Variants in CATSPER1 observed in about 807,000 individuals in gnomAD.
CATSPER1 encodes the protein cation channel sperm associated 1.
CATSPER1 carries 57 observed loss-of-function variants against 72.7 expected under a neutral mutation model. That is an observed-to-expected ratio of 0.78 (90% confidence interval 0.63 to 0.98). The LOEUF (loss-of-function observed/expected upper bound fraction) is 0.98, where lower values mean the gene tolerates loss of function less well. Ranked by LOEUF, CATSPER1 falls within the 50% of genes least tolerant of loss-of-function variation. The probability of loss-of-function intolerance (pLI) is 0.00; values close to 1 mark genes in which losing one functional copy is unlikely to be tolerated. For synonymous variants in CATSPER1, 363 were observed against 403.0 expected (o/e 0.90, Z 1.19); for missense variants, 910 against 1,033.9 (o/e 0.88, Z 1.64).
Position 66,021,520 on chromosome 11 carries a change from G to A in CATSPER1, c.1667C>T (p.Ala556Val). 1.2e-6 allele frequency: 2 copies of A among 1,613,762 alleles called. No individual in the cohort carries two copies. Among genetic ancestry groups the A allele is most frequent in the Middle Eastern group, 1.6e-4 (1 of 6,062 alleles). The change falls in exon 4 of 12, where the codon GCA (alanine) becomes GTA (valine). Residue 556 changes from alanine (A) to valine (V), a missense_variant. Coordinates refer to ENST00000312106, the MANE Select transcript of CATSPER1 (RefSeq NM_053054.4). The part of the protein sequence containing the change: ...KVFKSLRALR[A>V]IRVLRRLSFL... ...CCTGAGCCTCCGCAGGACCCGGATT[G>A]CCCTCAGGGCCCGCAGGCTCTTGAA... is the stretch of plus-strand genomic sequence containing the variant.
Position 66,021,625 on chromosome 11 carries a change from A to G in CATSPER1, c.1562T>C (p.Met521Thr), listed in dbSNP as rs1257980740. The G allele has an allele frequency of 6.2e-7, 1 of 1,607,918 alleles. No individual in the cohort carries two copies. Among genetic ancestry groups the G allele is most frequent in the East Asian group, 2.2e-5 (1 of 44,762 alleles). Residue 521 changes from methionine (M) to threonine (T), a missense_variant, in exon 4 of 12, where the codon ATG becomes ACG. Physicochemically the swap from Met to Thr is moderately conservative, Grantham distance 81. Transcript: ENST00000312106. ...CATCAGCAAGAAGTCCAGCACGGCC[A>G]TGGCCATAATGAAGAAGTCTGAGGG... ...WNNLDFFIMA[M>T]AVLDFLLMQT...
chr11:66,021,282 C>T, intron 4 of CATSPER1, 97 bp from the exon 5 acceptor site: 2 of 1,338,120 alleles, frequency 1.5e-6, no homozygotes, highest in Non-Finnish European at 2.1e-6. Context: ...CAGGAGGCTC[C>T]TGACTTGTTG....
At position 66,021,710 on chromosome 11, in the gene CATSPER1, T is replaced by C. The variant is rs1032573943; in HGVS notation, c.1543+56A>G. 27 of 1,612,830 alleles carry C rather than the reference T, an allele frequency of 1.7e-5. No individual in the cohort carries two copies. The Admixed American group carries it at 4.2e-4, about 25-fold the overall frequency. ...CAGCGCCCCCTTCCCCATCCTTCTC[T>C]CGTCCCGAGCCTCCCCCAGACTAAA... is the stretch of plus-strand genomic sequence containing the variant. On this transcript the variant is annotated intron_variant, in intron 3 of 11. Coordinates refer to ENST00000312106, the MANE Select transcript of CATSPER1 (RefSeq NM_053054.4).
At position 66,025,983 on chromosome 11, in the gene CATSPER1, C is replaced by T. The variant is rs1203998; in HGVS notation, c.397G>A (p.Gly133Ser). 472,947 of 1,613,292 alleles carry T rather than the reference C, an allele frequency of 0.29. 73,710 individuals are homozygous for T. Among genetic ancestry groups the T allele is most frequent in the Admixed American group, 0.47 (28,073 of 59,948 alleles). The change falls in exon 1 of 12, where the codon GGT (glycine) becomes AGT (serine). Residue 133 changes from glycine (G) to serine (S), a missense_variant. Gly to Ser is a moderately conservative substitution (Grantham distance 56). Transcript: ENST00000312106. ...GAGTCACTCTGCTGATGGAACCCAC[C>T]GTATTGGGACCCATCATGATGCCTC... ...GRRHHDGSQY[G>S]GFHQQSDSHY...
rs556844305 is a variant in CATSPER1 at position 66,019,109 on chromosome 11, T to C, written c.2126-207A>G. Among the ~76,000 whole-genome samples the C allele has an allele frequency of 3.3e-5, 5 of 152,098 alleles. 1 individual carries two copies. In the South Asian group the frequency reaches 1.0e-3, roughly 32 times the overall value. On this transcript the variant is annotated intron_variant, in intron 9 of 11. Coordinates refer to ENST00000312106, the MANE Select transcript of CATSPER1 (RefSeq NM_053054.4). ...TTCTGGAAGAAGTGCCCCAATTGTCTTGAGGAACAAATCACTTCTACCCCC... is the reference window on the plus strand; with the variant it reads ...TTCTGGAAGAAGTGCCCCAATTGTCCTGAGGAACAAATCACTTCTACCCCC...
chr11:66,025,656 G>A lies in CATSPER1; in HGVS notation c.724C>T (p.His242Tyr). The change falls in exon 1 of 12, where the codon CAT (histidine) becomes TAT (tyrosine). Residue 242 changes from histidine to tyrosine, a missense_variant. By Grantham distance (83) the His-to-Tyr change is moderately conservative. Coordinates refer to ENST00000312106, the MANE Select transcript of CATSPER1 (RefSeq NM_053054.4). ...HEAHQHGKSP[H>Y]HGETISPHSS... ...TGAGGGGAAATGGTCTCTCCGTGAT[G>A]AGGAGACTTTCCATGCTGGTGGGCT... 1.9e-6 allele frequency: 3 copies of A among 1,613,660 alleles called. No individual in the cohort carries two copies. Among genetic ancestry groups the A allele is most frequent in the Non-Finnish European group, 2.5e-6 (3 of 1,179,668 alleles).
At chr11:66,023,683 G>GT (rs1856428398) in intron 1 of CATSPER1, among the ~76,000 whole-genome samples, 1 of 151,792 alleles carries the variant, frequency 6.6e-6, no homozygotes, top group African/African-American at 2.4e-5. Context: ...GGCTGGTCCT[G>GT]TGCCTTCTGT....
chr11:66,020,217 T>C lies in CATSPER1; in HGVS notation c.2065-17A>G, dbSNP rs201528154. On this transcript the variant is annotated splice_polypyrimidine_tract_variant and intron_variant, in intron 8 of 11. Transcript: ENST00000312106. This position sits in a 1 kb window ranked among gnomAD's most constrained non-coding sequence, Gnocchi z 4.5. Reference sequence around the variant, plus strand: ...GGCGGCCCTCTGGGAAGAAGAGGCCTCAGATCTGCCAGAGTCCCAGGCCTG... The same window carrying C: ...GGCGGCCCTCTGGGAAGAAGAGGCCCCAGATCTGCCAGAGTCCCAGGCCTG... The C allele has an allele frequency of 5.6e-6, 9 of 1,614,018 alleles. No individual in the cohort carries two copies. The highest frequency in any genetic ancestry group is 6.8e-6 in the Non-Finnish European group (8 of 1,179,998).
intron 10 of CATSPER1, 42 bp from the exon 11 acceptor site, chr11:66,017,216 G>T: frequency 6.8e-7 from 1 of 1,477,428 alleles, no homozygotes; most frequent in South Asian, 1.2e-5. Flanking sequence ...GGGCTGGGCT[G>T]ACCTGCTGGC....
intron 9 of CATSPER1, among the ~76,000 whole-genome samples, chr11:66,019,165 C>T (rs1200866076): frequency 6.6e-6 from 1 of 152,132 alleles, no homozygotes; most frequent in Admixed American, 6.5e-5. Flanking sequence ...CTGAGGTTAG[C>T]CCCACCTCCA....
chr11:66,025,767 C>A lies in CATSPER1; in HGVS notation c.613G>T (p.Asp205Tyr), dbSNP rs369397065. 8.7e-6 allele frequency: 14 copies of A among 1,613,222 alleles called. No homozygotes were observed. The highest frequency in any genetic ancestry group is 1.2e-5 in the Non-Finnish European group (14 of 1,179,780). Residue 205 changes from aspartate to tyrosine, a missense_variant, in exon 1 of 12, where the codon GAT becomes TAT. By Grantham distance (160) the Asp-to-Tyr change is radical. Coordinates refer to ENST00000312106, the MANE Select transcript of CATSPER1 (RefSeq NM_053054.4). ...EASHLSGLQH[D>Y]ESQHHQVPHR... Reference sequence around the variant, plus strand: ...GGGACTTGGTGATGCTGGGACTCATCGTGTTGGAGCCCGCTAAGGTGGGAA... The same window carrying A: ...GGGACTTGGTGATGCTGGGACTCATAGTGTTGGAGCCCGCTAAGGTGGGAA...
chr11:66,021,895 G>C lies in CATSPER1; in HGVS notation c.1430-16C>G. 6.3e-7 allele frequency: 1 copy of C among 1,585,936 alleles called. No homozygotes were observed. The highest frequency in any genetic ancestry group is 2.2e-5 in the East Asian group (1 of 44,744). Reference sequence around the variant, plus strand: ...AAGTACCACTCTGCAGGAACACAGGGGTGCACTCAGAGCTGTCCCCAGCAC... The same window carrying C: ...AAGTACCACTCTGCAGGAACACAGGCGTGCACTCAGAGCTGTCCCCAGCAC... On this transcript the variant is annotated splice_polypyrimidine_tract_variant and intron_variant, in intron 2 of 11. Coordinates refer to ENST00000312106, the MANE Select transcript of CATSPER1 (RefSeq NM_053054.4).
At chr11:66,018,109 G>A (rs1856276329) in intron 10 of CATSPER1, among the ~76,000 whole-genome samples, 1 of 151,738 alleles carries the variant, frequency 6.6e-6, no homozygotes, top group African/African-American at 2.4e-5. Flanking sequence ...TCGGGAGGGT[G>A]AGGTGGGAGA....
At chr11:66,018,719 C>T (rs1257547825) in intron 10 of CATSPER1, 108 bp downstream of exon 10, 2 of 1,236,754 alleles carry the variant, frequency 1.6e-6, no homozygotes, top group Admixed American at 1.7e-5. Context: ...CTCAGCGCTC[C>T]ATCCCCTTCT....
At position 66,022,895 on chromosome 11, in the gene CATSPER1, G is replaced by A; in HGVS notation, c.1383C>T (p.Thr461=). ...CGAAGGTCTGGGCCACCAGCATGAC[G>A]GTGTTGAGGCAGACAACGAAGAAGA... ...TFIFFVVCLN[T]VMLVAQTFAE... The change falls in exon 2 of 12, where the codon ACC becomes ACT. Residue 461 remains threonine, a synonymous_variant. Transcript: ENST00000312106. 6.2e-7 allele frequency: 1 copy of A among 1,614,236 alleles called. No individual in the cohort carries two copies. Among genetic ancestry groups the A allele is most frequent in the Non-Finnish European group, 8.5e-7 (1 of 1,180,044 alleles).
intron 9 of CATSPER1, among the ~76,000 whole-genome samples, chr11:66,019,291 T>C (rs145144801): frequency 6.6e-6 from 1 of 152,014 alleles, no homozygotes; most frequent in East Asian, 1.9e-4. Flanking sequence ...TTTCTTTTTT[T>C]TTTGAGACGG....
At chr11:66,021,339 G>A in intron 4 of CATSPER1, 154 bp from the exon 5 acceptor site, 1 of 1,207,552 alleles carries the variant, frequency 8.3e-7, no homozygotes, top group African/African-American at 1.5e-5. Context: ...TGAAGGGGCT[G>A]ATTCCAGTGC....
chr11:66,022,771 G>A, intron 2 of CATSPER1, 78 bp downstream of exon 2: 1 of 1,437,836 alleles, frequency 7.0e-7, no homozygotes, highest in South Asian at 1.2e-5. Flanking sequence ...TAAACCGCCC[G>A]GCACTGGATC....
chr11:66,022,650 G>C (rs1856399169), intron 2 of CATSPER1, among the ~76,000 whole-genome samples, 199 bp downstream of exon 2: 1 of 152,266 alleles, frequency 6.6e-6, no homozygotes, highest in Non-Finnish European at 1.5e-5. Flanking sequence ...CTCCCGCCTA[G>C]CGGGTCCTTC....
Sources: allele counts gnomAD v4.1 joint callset (sites outside exome capture counted in the v4.1 genomes callset), GRCh38; gene constraint gnomAD v4.1.1; non-coding constraint Gnocchi (gnomAD v3.1); transcripts MANE v1.5; gene names NCBI Gene and HGNC (gene_info 2026-07-23, HGNC 2026-07-21).